TENM2: variants seen among roughly 807,000 people sequenced by gnomAD.
TENM2 encodes teneurin-2.
A neutral mutation model predicts 245.2 loss-of-function variants in TENM2; 52 were observed. That is an observed-to-expected ratio of 0.21 (90% CI 0.17 to 0.27). The LOEUF (loss-of-function observed/expected upper bound fraction) is 0.27, where lower values mean the gene tolerates loss of function less well. TENM2 is among the 10% of genes least tolerant of loss of function. The pLI is 1.00. For synonymous variants in TENM2, 1,363 were observed against 1,438.9 expected (o/e 0.95, Z 1.19); for missense variants, 3,046 against 3,666.8 (o/e 0.83, Z 4.37).
chr5:167,824,631 G>T (rs917546833), intron 2 of TENM2, among the ~76,000 whole-genome samples: 4 of 152,182 alleles, frequency 2.6e-5, no homozygotes, highest in Admixed American at 2.0e-4. Context: ...GATTGTACTA[G>T]AAAGATAAGC....
At chr5:167,714,467 G>A (rs554042069) in intron 2 of TENM2, among the ~76,000 whole-genome samples, 1 of 152,134 alleles carries the variant, frequency 6.6e-6, no homozygotes, top group Non-Finnish European at 1.5e-5. Flanking sequence ...AGAGCAAGGG[G>A]AAGGTGGCAT....
chr5:167,752,638 T>A (rs774759858), intron 2 of TENM2, among the ~76,000 whole-genome samples: 3 of 152,180 alleles, frequency 2.0e-5, no homozygotes, highest in Non-Finnish European at 4.4e-5. Context: ...GCTGGTCATG[T>A]TGGGAGTCAT....
chr5:168,082,022 G>C (rs1277812574), intron 7 of TENM2, among the ~76,000 whole-genome samples: 1 of 152,226 alleles, frequency 6.6e-6, no homozygotes, highest in East Asian at 1.9e-4. Flanking sequence ...ATCCTGCAGA[G>C]TGTTTTCCAA....
At chr5:167,324,334 A>G (rs1303484606) in intron 1 of TENM2, among the ~76,000 whole-genome samples, 2 of 152,222 alleles carry the variant, frequency 1.3e-5, no homozygotes, top group African/African-American at 4.8e-5. Context: ...CATTACAGCC[A>G]GAGAAATAGG....
chr5:167,679,252 A>T (rs1161862343), intron 2 of TENM2, among the ~76,000 whole-genome samples: 1 of 152,140 alleles, frequency 6.6e-6, no homozygotes, highest in East Asian at 1.9e-4. Flanking sequence ...AATAAATAGT[A>T]CTAATAACAT....
chr5:167,685,505 T>C (rs1421315505), intron 2 of TENM2, among the ~76,000 whole-genome samples: 1 of 152,174 alleles, frequency 6.6e-6, no homozygotes, highest in Non-Finnish European at 1.5e-5. Context: ...TCACATGCTG[T>C]GGGAGGAAAT....
At chr5:167,291,851 T>G (rs542223221) in intron 1 of TENM2, among the ~76,000 whole-genome samples, 53 of 152,308 alleles carry the variant, frequency 3.5e-4, no homozygotes, top group Non-Finnish European at 8.8e-5. Flanking sequence ...CTGTAGTCTA[T>G]CTAAGCTGTA....
chr5:168,194,691 C>T (rs1277403887), intron 14 of TENM2, among the ~76,000 whole-genome samples: 1 of 152,040 alleles, frequency 6.6e-6, no homozygotes, highest in Non-Finnish European at 1.5e-5. Flanking sequence ...CAGCAAAAGA[C>T]AATGCATGTG....
intron 3 of TENM2, among the ~76,000 whole-genome samples, chr5:167,910,583 C>CA (rs763567507): frequency 2.6e-5 from 4 of 152,240 alleles, no homozygotes; most frequent in Non-Finnish European, 4.4e-5. Context: ...TGTTCTTACA[C>CA]AAAAAAGACC....
At chr5:167,398,368 T>G (rs1434709628) in intron 2 of TENM2, among the ~76,000 whole-genome samples, 2 of 134,578 alleles carry the variant, frequency 1.5e-5, no homozygotes, top group African/African-American at 6.0e-5. Flanking sequence ...TTTCTTTCCT[T>G]TCTTTCTTCC....
the TENM2 span, among the ~76,000 whole-genome samples, chr5:167,027,343 G>T: frequency 6.6e-6 from 1 of 152,154 alleles, no homozygotes; most frequent in Non-Finnish European, 1.5e-5. Context: ...TCTAAGGAAG[G>T]TTCACTGGTT....
intron 3 of TENM2, among the ~76,000 whole-genome samples, chr5:167,906,481 A>T (rs1393934539): frequency 1.3e-5 from 2 of 152,164 alleles, no homozygotes; most frequent in Non-Finnish European, 2.9e-5. Context: ...CCCTGAACTC[A>T]GTGGCCACCA....
intron 3 of TENM2, among the ~76,000 whole-genome samples, chr5:167,912,888 C>T (rs1008483655): frequency 2.0e-5 from 3 of 152,036 alleles, no homozygotes; most frequent in Non-Finnish European, 4.4e-5. Flanking sequence ...ATCAATATTC[C>T]TTGTGCCAGC....
chr5:168,079,568 G>T, intron 7 of TENM2, among the ~76,000 whole-genome samples: 1 of 152,110 alleles, frequency 6.6e-6, no homozygotes, highest in Non-Finnish European at 1.5e-5. Flanking sequence ...CTGTGGGTTT[G>T]TCATAAATAG....
chr5:168,194,116 C>G (rs190439110), intron 14 of TENM2, among the ~76,000 whole-genome samples: 1 of 152,320 alleles, frequency 6.6e-6, no homozygotes, highest in East Asian at 1.9e-4. Context: ...AAGATTGTGA[C>G]AAAGGACGGG....
the TENM2 span, among the ~76,000 whole-genome samples, chr5:167,105,199 A>G: frequency 6.6e-6 from 1 of 152,216 alleles, no homozygotes; most frequent in Non-Finnish European, 1.5e-5. Flanking sequence ...AAATGAGTCT[A>G]TAATTTTTGA....
In TENM2 at chr5:167,929,059, GA is replaced by G. The variant is rs1778011287; in HGVS notation, c.713-23528del. 3.9e-5 allele frequency among the ~76,000 whole-genome samples: 3 copies of G among 77,510 alleles called. No individual in the cohort carries two copies. In the South Asian group the frequency reaches 2.0e-3, roughly 52 times the overall value. 50.8% of individuals were successfully genotyped at this position (77,510 alleles called of 152,430 possible). ...AAAGAAAAGAAAAAAGAAAGAAAGA[GA>G]GAAAGAAAGAAAGAAAGAAAGAAAG... On this transcript the variant is annotated intron_variant, in intron 3 of 28. Coordinates refer to ENST00000518659, the Ensembl canonical transcript of TENM2.
Position 168,244,029 on chromosome 5 carries a change from C to T in TENM2, c.5521-391C>T, listed in dbSNP as rs546680137. ...TTTCAGCTCACTGCCATCTCCACCT[C>T]CCAGGTTCAAGTGATTCTCCTGCCT... On this transcript the variant is annotated intron_variant, in intron 25 of 28. Coordinates refer to ENST00000518659, the Ensembl canonical transcript of TENM2. The surrounding 1 kb of genome is among the most constrained non-coding windows in gnomAD (Gnocchi z 4.9). Among the ~76,000 whole-genome samples, 1 of 151,546 alleles carries T rather than the reference C, an allele frequency of 6.6e-6. No individual in the cohort carries two copies. Among genetic ancestry groups the T allele is most frequent in the East Asian group, 1.9e-4 (1 of 5,150 alleles).
At chr5:167,983,503 C>T (rs927039646) in intron 4 of TENM2, among the ~76,000 whole-genome samples, 5 of 152,088 alleles carry the variant, frequency 3.3e-5, no homozygotes, top group Non-Finnish European at 5.9e-5. Context: ...CTGTTGTTCA[C>T]GGCATATGCA....
Sources: allele counts gnomAD v4.1 joint callset (sites outside exome capture counted in the v4.1 genomes callset), GRCh38; gene constraint gnomAD v4.1.1; non-coding constraint Gnocchi (gnomAD v3.1); transcripts MANE v1.5; gene names NCBI Gene and HGNC (gene_info 2026-07-23, HGNC 2026-07-21).